HLA-DQA2: variants seen among roughly 807,000 people sequenced by gnomAD.
HLA-DQA2 encodes the protein major histocompatibility complex, class II, DQ alpha 2.
HLA-DQA2 carries 17 observed loss-of-function variants against 21.0 expected under a neutral mutation model. That is an observed-to-expected ratio of 0.81 (90% CI 0.56 to 1.22). The LOEUF is 1.22. HLA-DQA2 is among the 50% of genes most tolerant of loss of function. The pLI is 0.00. For missense variants in HLA-DQA2, 239 were observed against 308.8 expected (o/e 0.77, Z 1.69); for synonymous variants, 81 against 116.5 (o/e 0.70, Z 1.96).
chr6:32,745,354 A>G lies in HLA-DQA2; in HGVS notation c.278A>G (p.Lys93Arg). The G allele has an allele frequency of 6.2e-7, 1 of 1,613,972 alleles. No homozygotes were observed. Among genetic ancestry groups the G allele is most frequent in the Non-Finnish European group, 8.5e-7 (1 of 1,179,978 alleles). ...QSALRNMAVG[K>R]HTLEFMMRQS... ...GCACTGAGAAATATGGCTGTGGGAA[A>G]ACACACCTTGGAATTCATGATGAGA... Residue 93 changes from lysine (K) to arginine (R), a missense_variant, in exon 2 of 5, where the codon AAA (lysine) becomes AGA (arginine). By Grantham distance (26) the Lys-to-Arg change is conservative. Coordinates refer to ENST00000374940, the MANE Select transcript of HLA-DQA2 (RefSeq NM_020056.5).
chr6:32,745,069 T>C, intron 1 of HLA-DQA2, 90 bp from the exon 2 acceptor site: 1 of 1,438,614 alleles, frequency 7.0e-7, no homozygotes. Context: ...AAGCCCATAA[T>C]ATTTGAAAGT....
chr6:32,742,569 G>T (rs2113859995), intron 1 of HLA-DQA2, among the ~76,000 whole-genome samples: 1 of 152,310 alleles, frequency 6.6e-6, no homozygotes. Flanking sequence ...ATAGTTAAAA[G>T]GGGAAGTGAA....
Position 32,746,241 on chromosome 6 carries a change from G to A in HLA-DQA2, c.615G>A (p.Glu205=). The A allele has an allele frequency of 6.2e-7, 1 of 1,613,076 alleles. No homozygotes were observed. The highest frequency in any genetic ancestry group is 8.5e-7 in the Non-Finnish European group (1 of 1,180,038). ...GLDEPLLKHW[E]PEIPAPMSEL... is the part of the protein sequence containing the mutation. ...ACCTCAACAGCTCCACTTTCACAGA[G>A]CCTGAGATTCCAGCCCCTATGTCAG... The change falls in exon 4 of 5, where the codon GAG becomes GAA. Residue 205 remains glutamate (E), a splice_region_variant and synonymous_variant. Coordinates refer to ENST00000374940, the MANE Select transcript of HLA-DQA2 (RefSeq NM_020056.5).
chr6:32,746,729 G>A lies in HLA-DQA2; in HGVS notation c.*168G>A. Reference sequence around the variant, plus strand: ...ACTTAAGGTGCTATATTCCCTCAGAGCTCACAAATGCCTTTCAATTCTTTC... The same window carrying A: ...ACTTAAGGTGCTATATTCCCTCAGAACTCACAAATGCCTTTCAATTCTTTC... On this transcript the variant is annotated 3_prime_UTR_variant, in exon 5 of 5. Transcript: ENST00000374940. 1 of 558,820 alleles carries A rather than the reference G, an allele frequency of 1.8e-6. No homozygotes were observed. The highest frequency in any genetic ancestry group is 3.4e-6 in the Non-Finnish European group (1 of 297,422). The allele number at this position is 558,820 out of a possible 1,614,324, so 34.6% of individuals were successfully genotyped here. A position where few individuals can be genotyped will look rare whatever the true frequency, so the allele number is the denominator to read the frequency against.
rs1763602335 is a variant in HLA-DQA2 at position 32,746,414 on chromosome 6, G to A, written c.*20G>A. On this transcript the variant is annotated splice_region_variant and 3_prime_UTR_variant, in exon 4 of 5. Coordinates refer to ENST00000374940, the MANE Select transcript of HLA-DQA2 (RefSeq NM_020056.5). The stretch of plus-strand genomic sequence containing the variant: ...TTATGAATCCCATCCTGAAAAGGAA[G>A]GTAAGATTGAGATTTGTTGGAGCTG... 1.9e-6 allele frequency: 3 copies of A among 1,613,098 alleles called. No homozygotes were observed. Among genetic ancestry groups the A allele is most frequent in the Non-Finnish European group, 2.5e-6 (3 of 1,180,012 alleles).
chr6:32,746,618 G>T lies in HLA-DQA2; in HGVS notation c.*57G>T. 1.4e-6 allele frequency: 1 copy of T among 710,236 alleles called. No homozygotes were observed. The highest frequency in any genetic ancestry group is 1.5e-5 in the South Asian group (1 of 66,940). The allele number at this position is 710,236 out of a possible 1,614,324, so 44.0% of individuals were successfully genotyped here. A position where few individuals can be genotyped will look rare whatever the true frequency, so the allele number is the denominator to read the frequency against. ...TCTACAGGAGAAGAAGAATGGACTT[G>T]CTAAATGACCTAGCACTATTCTCTG... On this transcript the variant is annotated 3_prime_UTR_variant, in exon 5 of 5. Coordinates refer to ENST00000374940, the MANE Select transcript of HLA-DQA2 (RefSeq NM_020056.5).
downstream of HLA-DQA2, chr6:32,747,198 A>AAAT (rs1554205230): frequency 2.0e-5 from 3 of 151,966 alleles, no homozygotes; most frequent in Non-Finnish European, 2.9e-5. Context: ...AAAAAAAAAA[A>AAAT]GTCTGTACTA....
chr6:32,743,080 T>A (rs926725748), intron 1 of HLA-DQA2, among the ~76,000 whole-genome samples: 1 of 151,262 alleles, frequency 6.6e-6, no homozygotes, highest in African/African-American at 2.4e-5. Context: ...TTAGCCAGGA[T>A]GGTCTCGATC....
At chr6:32,742,644 G>A (rs199994208) in intron 1 of HLA-DQA2, among the ~76,000 whole-genome samples, 1,807 of 114,066 alleles carry the variant, frequency 0.016, no homozygotes, top group East Asian at 0.029. Flanking sequence ...GATTTTGTTT[G>A]GCAGTGGAAG....
chr6:32,746,164 C>A (rs1333839970), intron 3 of HLA-DQA2, 76 bp from the exon 4 acceptor site: 1 of 1,595,580 alleles, frequency 6.3e-7, no homozygotes, highest in Middle Eastern at 1.7e-4. Flanking sequence ...AGAGCCAGCC[C>A]TCCACCCCAT....
At chr6:32,743,052 A>G (rs9276421) in intron 1 of HLA-DQA2, among the ~76,000 whole-genome samples, 81,307 of 145,602 alleles carry the variant, frequency 0.56, 23,674 homozygotes, top group East Asian at 0.85. Flanking sequence ...TTTTTAGTAG[A>G]GACGGGGTTT....
chr6:32,745,297 T>G lies in HLA-DQA2; in HGVS notation c.221T>G (p.Phe74Cys), dbSNP rs1562189012. The change falls in exon 2 of 5, where the codon TTT becomes TGT. Residue 74 changes from phenylalanine to cysteine, a missense_variant. Coordinates refer to ENST00000374940, the MANE Select transcript of HLA-DQA2 (RefSeq NM_020056.5). ...GAGACTGTCTGGCAGTTGCCTATGTTTAGCAAATTTATAAGTTTTGACCCG... is the reference window on the plus strand; with the variant it reads ...GAGACTGTCTGGCAGTTGCCTATGTGTAGCAAATTTATAAGTTTTGACCCG... ...TKETVWQLPM[F>C]SKFISFDPQS... 2.5e-6 allele frequency: 4 copies of G among 1,612,746 alleles called. No homozygotes were observed. In the African/African-American group the frequency reaches 5.4e-5, roughly 22 times the overall value.
chr6:32,746,122 C>T (rs930664600), intron 3 of HLA-DQA2, 50 bp downstream of exon 3: 2 of 1,427,748 alleles, frequency 1.4e-6, no homozygotes, highest in Non-Finnish European at 1.9e-6. Flanking sequence ...AGACTTCACT[C>T]TTCTCCCTAA....
chr6:32,743,655 G>A (rs1010135543), intron 1 of HLA-DQA2, among the ~76,000 whole-genome samples: 1 of 152,194 alleles, frequency 6.6e-6, no homozygotes, highest in Non-Finnish European at 1.5e-5. Context: ...ATGAAAAGAA[G>A]GATTGCATGT....
chr6:32,744,810 G>A (rs1444052323), intron 1 of HLA-DQA2, among the ~76,000 whole-genome samples: 1 of 149,504 alleles, frequency 6.7e-6, no homozygotes, highest in Non-Finnish European at 1.5e-5. Context: ...CTGAATCTCT[G>A]AGTAAGAAAA....
rs1186729332 is a variant in HLA-DQA2, at chr6:32,746,350, G to A, written c.724G>A (p.Gly242Ser). ...IVVGTVFIIQ[G>S]LRSVGASRHQ... is the part of the protein sequence containing the mutation. ...GGTGGGCACTGTCTTCATCATCCAA[G>A]GCCTGCGTTCAGTTGGTGCTTCCAG... The change falls in exon 4 of 5, where the codon GGC becomes AGC. Residue 242 changes from glycine (G) to serine (S), a missense_variant. By Grantham distance (56) the Gly-to-Ser change is moderately conservative. Transcript: ENST00000374940. 3 of 1,612,970 alleles carry A rather than the reference G, an allele frequency of 1.9e-6. No individual in the cohort carries two copies. Among genetic ancestry groups the A allele is most frequent in the South Asian group, 2.2e-5 (2 of 91,086 alleles).
chr6:32,744,183 TTTG>T (rs1763402703), intron 1 of HLA-DQA2, among the ~76,000 whole-genome samples: 1 of 152,128 alleles, frequency 6.6e-6, no homozygotes, highest in Non-Finnish European at 1.5e-5. Context: ...GTCTGACACT[TTTG>T]GATGCTCAGT....
chr6:32,746,133 G>C, intron 3 of HLA-DQA2, 61 bp downstream of exon 3: 3 of 1,469,884 alleles, frequency 2.0e-6, no homozygotes, highest in Non-Finnish European at 1.8e-6. Context: ...TTCTCCCTAA[G>C]CCTGGGGCCT....
intron 2 of HLA-DQA2, 63 bp downstream of exon 2, chr6:32,745,470 C>G: frequency 1.4e-6 from 2 of 1,475,374 alleles, no homozygotes; most frequent in South Asian, 2.4e-5. Context: ...GTTTTACTCC[C>G]TTCTTCTCAA....
Sources: allele counts gnomAD v4.1 joint callset (sites outside exome capture counted in the v4.1 genomes callset), GRCh38; gene constraint gnomAD v4.1.1; transcripts MANE v1.5; gene names NCBI Gene and HGNC (gene_info 2026-07-23, HGNC 2026-07-21).